Variants in CHSY3 observed in about 807,000 individuals in gnomAD.
CHSY3 encodes chondroitin sulfate synthase 3.
In CHSY3, 35 loss-of-function variants were observed where a neutral mutation model predicts 67.2. The ratio of observed to expected loss-of-function variants is 0.52; its 90% CI spans 0.40 to 0.69. The LOEUF (loss-of-function observed/expected upper bound fraction) is 0.69. CHSY3 is among the 30% of genes least tolerant of loss of function. The probability of loss-of-function intolerance (pLI) is 0.00; values close to 1 mark genes in which losing one functional copy is unlikely to be tolerated. For missense variants in CHSY3, 1,069 were observed against 1,138.5 expected (o/e 0.94, Z 0.88); for synonymous variants, 474 against 434.7 (o/e 1.09, Z -1.12).
chr5:130,121,528 A>T (rs989096286), intron 2 of CHSY3, among the ~76,000 whole-genome samples: 1 of 152,168 alleles, frequency 6.6e-6, no homozygotes, highest in African/African-American at 2.4e-5. Context: ...AGCTCAAATA[A>T]TAAAGCATGA....
chr5:129,963,912 A>G (rs912568037), intron 2 of CHSY3, among the ~76,000 whole-genome samples: 3 of 151,798 alleles, frequency 2.0e-5, no homozygotes, highest in Non-Finnish European at 2.9e-5. Context: ...ACATGTATCT[A>G]TATGTATGTA....
intron 2 of CHSY3, among the ~76,000 whole-genome samples, chr5:130,014,284 A>G (rs1764148449): frequency 6.6e-6 from 1 of 152,206 alleles, no homozygotes; most frequent in Non-Finnish European, 1.5e-5. Flanking sequence ...ATTTTCAGGT[A>G]TCTTTACAGC....
At chr5:130,159,322 ACT>A (rs1769462749) in intron 2 of CHSY3, among the ~76,000 whole-genome samples, 1 of 149,656 alleles carries the variant, frequency 6.7e-6, no homozygotes, top group Non-Finnish European at 1.5e-5. Context: ...GCGCCACCAC[ACT>A]CTGCTATTTT....
At chr5:130,000,590 C>T (rs1014434554) in intron 2 of CHSY3, among the ~76,000 whole-genome samples, 3 of 135,906 alleles carry the variant, frequency 2.2e-5, no homozygotes, top group South Asian at 5.2e-4. Flanking sequence ...TTCTTTCACC[C>T]ACTTTTTTTT....
intron 2 of CHSY3, among the ~76,000 whole-genome samples, chr5:130,084,480 G>C (rs1766545904): frequency 6.6e-6 from 1 of 151,864 alleles, no homozygotes; most frequent in Non-Finnish European, 1.5e-5. Flanking sequence ...CCAATGACCT[G>C]TGACACAGCC....
intron 2 of CHSY3, among the ~76,000 whole-genome samples, chr5:129,952,979 A>G (rs1367142305): frequency 1.3e-5 from 2 of 152,058 alleles, no homozygotes; most frequent in Admixed American, 1.3e-4. Flanking sequence ...AGTATCCTAT[A>G]TCTTCTTTTT....
At position 130,185,333 on chromosome 5, in the gene CHSY3, T is replaced by G. The variant is rs781778890; in HGVS notation, c.2191T>G (p.Cys731Gly). Residue 731 changes from cysteine (C) to glycine (G), a missense_variant, in exon 3 of 3, where the codon TGT becomes GGT. Physicochemically the swap from Cys to Gly is radical, Grantham distance 159. Coordinates refer to ENST00000305031, the MANE Select transcript of CHSY3 (RefSeq NM_175856.5). ...LIFREDFLQR[C>G]RDNTIQGQQV... ...CTTCAGAGAAGATTTTCTCCAACGA[T>G]GTAGAGACAATACAATTCAGGGACA... 6.2e-7 allele frequency: 1 copy of G among 1,608,506 alleles called. No individual in the cohort carries two copies. The highest frequency in any genetic ancestry group is 1.3e-5 in the African/African-American group (1 of 74,962).
At chr5:129,957,499 G>A (rs1442291207) in intron 2 of CHSY3, among the ~76,000 whole-genome samples, 1 of 152,102 alleles carries the variant, frequency 6.6e-6, no homozygotes, top group East Asian at 1.9e-4. Flanking sequence ...ACATATAAAT[G>A]TATGTGGGAG....
intron 2 of CHSY3, among the ~76,000 whole-genome samples, chr5:130,156,352 A>G (rs916405266): frequency 6.6e-5 from 10 of 152,204 alleles, no homozygotes; most frequent in African/African-American, 2.4e-4. Context: ...AGGCCACCTT[A>G]ATGCCAAGGT....
chr5:129,955,442 C>A (rs997986323), intron 2 of CHSY3, among the ~76,000 whole-genome samples: 2 of 151,448 alleles, frequency 1.3e-5, no homozygotes, highest in Admixed American at 6.6e-5. Flanking sequence ...GTCTCCTTTC[C>A]TTTTTCCTTT....
intron 2 of CHSY3, among the ~76,000 whole-genome samples, chr5:130,073,191 A>G (rs1376502425): frequency 6.6e-6 from 1 of 152,164 alleles, no homozygotes; most frequent in African/African-American, 2.4e-5. Flanking sequence ...GATGATGTAT[A>G]TGTTAATTAG....
chr5:130,048,845 G>A (rs1765235512), intron 2 of CHSY3, among the ~76,000 whole-genome samples: 1 of 152,010 alleles, frequency 6.6e-6, no homozygotes, highest in African/African-American at 2.4e-5. Flanking sequence ...GAGTGGAATG[G>A]GGAGATGGTG....
At chr5:130,104,299 G>A (rs17692333) in intron 2 of CHSY3, among the ~76,000 whole-genome samples, 26,661 of 151,788 alleles carry the variant, frequency 0.18, 2,869 homozygotes, top group East Asian at 0.37. Context: ...CATCTCAGCC[G>A]TGATGTTTTC....
intron 2 of CHSY3, among the ~76,000 whole-genome samples, chr5:130,143,605 G>A (rs1014694239): frequency 7.3e-5 from 11 of 150,512 alleles, no homozygotes; most frequent in Admixed American, 1.3e-4. Flanking sequence ...TACTATTGGG[G>A]CTATTGCATA....
intron 2 of CHSY3, among the ~76,000 whole-genome samples, chr5:130,153,028 C>G (rs1205661085): frequency 2.0e-5 from 3 of 152,070 alleles, no homozygotes; most frequent in Non-Finnish European, 4.4e-5. Context: ...ATCAGGAGTT[C>G]GAGACCAGCC....
intron 2 of CHSY3, among the ~76,000 whole-genome samples, chr5:130,107,907 A>T (rs1249570993): frequency 6.6e-6 from 1 of 151,690 alleles, no homozygotes; most frequent in African/African-American, 2.4e-5. Flanking sequence ...CTAAGGGGTT[A>T]TATTTGCTTC....
chr5:129,963,667 C>T (rs2149609149), intron 2 of CHSY3, among the ~76,000 whole-genome samples: 2 of 152,060 alleles, frequency 1.3e-5, no homozygotes, highest in East Asian at 3.9e-4. Flanking sequence ...TCTACAACCT[C>T]CTGTTGGGTG....
At chr5:130,070,938 T>C (rs1401402913) in intron 2 of CHSY3, among the ~76,000 whole-genome samples, 1 of 152,086 alleles carries the variant, frequency 6.6e-6, no homozygotes, top group Non-Finnish European at 1.5e-5. Flanking sequence ...TTTTTATTTG[T>C]AGAGAGAAGG....
intron 2 of CHSY3, among the ~76,000 whole-genome samples, chr5:129,923,374 T>A (rs1760986049): frequency 6.6e-6 from 1 of 152,162 alleles, no homozygotes; most frequent in African/African-American, 2.4e-5. Context: ...GAGTGAGTTT[T>A]GCTTTGTGAA....
Sources: gnomAD v4.1 joint callset for allele counts (sites outside exome capture counted in the v4.1 genomes callset) on GRCh38, gnomAD v4.1.1 for gene constraint, MANE v1.5 for transcripts, NCBI Gene and HGNC (gene_info 2026-07-23, HGNC 2026-07-21) for gene names.